The following ABCB5 variants were observed in gnomAD, a reference collection of about 807,000 sequenced individuals.
ABCB5 encodes the protein ATP binding cassette subfamily B member 5.
Under a neutral mutation model 144.2 loss-of-function variants are expected in ABCB5, and 155 were observed. The ratio of observed to expected loss-of-function variants is 1.08; its 90% CI spans 0.94 to 1.23. The LOEUF is 1.23. Ranked by LOEUF, ABCB5 falls within the 50% of genes most tolerant of loss-of-function variation. The pLI, the probability that ABCB5 is intolerant of heterozygous loss-of-function variation, is 0.00. For synonymous variants in ABCB5, 610 were observed against 528.6 expected, an observed-to-expected ratio of 1.15 and a Z score of -2.11; for missense variants, 1,830 against 1,520.8, an observed-to-expected ratio of 1.20 and a Z score of -3.38.
At chr7:20,671,052 T>C (rs1391574061) in intron 14 of ABCB5, among the ~76,000 whole-genome samples, 1 of 152,238 alleles carries the variant, frequency 6.6e-6, no homozygotes, top group Non-Finnish European at 1.5e-5. Context: ...TAGTGCTTAG[T>C]ATAACTCTCT....
At chr7:20,673,598 G>T (rs1785517789) in intron 14 of ABCB5, among the ~76,000 whole-genome samples, 1 of 151,762 alleles carries the variant, frequency 6.6e-6, no homozygotes, top group Non-Finnish European at 1.5e-5. Flanking sequence ...CTTTTACTCT[G>T]TGTTAGCATG....
intron 20 of ABCB5, among the ~76,000 whole-genome samples, chr7:20,716,666 T>C (rs754459761): frequency 1.1e-4 from 17 of 152,074 alleles, no homozygotes; most frequent in Non-Finnish European, 2.2e-4. Context: ...CAAAAGACCA[T>C]AGTAAGGAGA....
chr7:20,667,408 G>T, intron 14 of ABCB5: 1 of 985,572 alleles, frequency 1.0e-6, no homozygotes. Flanking sequence ...TTCTGATTCT[G>T]TGCACAGAAG....
intron 20 of ABCB5, among the ~76,000 whole-genome samples, chr7:20,715,598 C>CA (rs1308183116): frequency 6.6e-6 from 1 of 151,962 alleles, no homozygotes; most frequent in Non-Finnish European, 1.5e-5. Flanking sequence ...TATGTAGAGA[C>CA]AGAGTCTTGC....
chr7:20,722,246 T>C (rs1010700973), intron 20 of ABCB5, among the ~76,000 whole-genome samples: 3 of 152,208 alleles, frequency 2.0e-5, no homozygotes, highest in Admixed American at 6.5e-5. Flanking sequence ...TGAGTTGTTG[T>C]ATTATTGCTG....
chr7:20,631,346 A>G (rs1381136106), intron 4 of ABCB5, among the ~76,000 whole-genome samples: 2 of 152,176 alleles, frequency 1.3e-5, no homozygotes, highest in African/African-American at 2.4e-5. Flanking sequence ...ATAAATAAAG[A>G]TCATAAGCAT....
intron 25 of ABCB5, 81 bp downstream of exon 25, chr7:20,743,155 CTGG>C: frequency 6.8e-7 from 1 of 1,473,538 alleles, no homozygotes. Context: ...AGCATCCCCA[CTGG>C]TTTGGGTGGG....
intron 2 of ABCB5, among the ~76,000 whole-genome samples, chr7:20,625,176 T>C (rs2128017309): frequency 6.6e-6 from 1 of 152,338 alleles, no homozygotes; most frequent in African/African-American, 2.4e-5. Flanking sequence ...ATCTCATGCC[T>C]CAGCCCAGAG....
chr7:20,701,545 G>A (rs767402677), intron 19 of ABCB5, among the ~76,000 whole-genome samples: 7 of 152,074 alleles, frequency 4.6e-5, no homozygotes, highest in Non-Finnish European at 8.8e-5. Context: ...CCATGAGACC[G>A]TTTAATGAGA....
intron 2 of ABCB5, 32 bp from the exon 3 acceptor site, chr7:20,626,525 T>C (rs1365754899): frequency 2.5e-6 from 4 of 1,584,408 alleles, no homozygotes; most frequent in Non-Finnish European, 3.4e-6. Flanking sequence ...ATTCACATTG[T>C]AACTGCTGCA....
chr7:20,689,008 C>G, intron 16 of ABCB5, among the ~76,000 whole-genome samples: 1 of 151,808 alleles, frequency 6.6e-6, no homozygotes. Context: ...AGGAGATATA[C>G]CTAAGGTAAA....
intron 14 of ABCB5, among the ~76,000 whole-genome samples, chr7:20,676,261 G>C (rs141666996): frequency 1.8e-3 from 272 of 150,890 alleles, no homozygotes; most frequent in Non-Finnish European, 3.1e-3. Flanking sequence ...ATATTCAAAA[G>C]AACTGAAGTC....
chr7:20,725,186 A>G (rs1781997429), intron 21 of ABCB5, among the ~76,000 whole-genome samples: 1 of 152,224 alleles, frequency 6.6e-6, no homozygotes. Context: ...TAATAAGTCA[A>G]TTTACTAAAC....
Position 20,651,530 on chromosome 7 carries a change from T to C in ABCB5, c.1443T>C (p.Asn481=), listed in dbSNP as rs1784588228. 1 of 1,613,960 alleles carries C rather than the reference T, an allele frequency of 6.2e-7. No homozygotes were observed. Among genetic ancestry groups the C allele is most frequent in the Non-Finnish European group, 8.5e-7 (1 of 1,180,000 alleles). Residue 481 remains asparagine, a synonymous_variant, in exon 13 of 28, where the codon AAT becomes AAC. Coordinates refer to ENST00000404938, the MANE Select transcript of ABCB5 (RefSeq NM_001163941.2). The part of the protein sequence containing the change: ...PVLFGTTISN[N]IKYGRDDVTD... ...TGTTCGGGACCACCATCAGTAACAA[T>C]ATCAAGTATGGACGAGATGATGTGA... is the stretch of plus-strand genomic sequence containing the variant.
chr7:20,715,824 A>C (rs1781658417), intron 20 of ABCB5, among the ~76,000 whole-genome samples: 1 of 149,328 alleles, frequency 6.7e-6, no homozygotes, highest in Admixed American at 6.7e-5. Flanking sequence ...GGTTCAAGCG[A>C]CTCTCCTGCC....
Position 20,698,495 on chromosome 7 carries a change from T to C in ABCB5, c.2099T>C (p.Val700Ala). ...GTGGTTCTGGGGACATTGGCTTCTG[T>C]TCTAAATGGAACTGTTCATCCAGTA... The part of the protein sequence containing the change: ...PFVVLGTLAS[V>A]LNGTVHPVFS... Residue 700 changes from valine to alanine, a missense_variant, in exon 17 of 28, where the codon GTT becomes GCT. Physicochemically the swap from Val to Ala is moderately conservative, Grantham distance 64. Transcript: ENST00000404938. 1 of 1,605,950 alleles carries C rather than the reference T, an allele frequency of 6.2e-7. No homozygotes were observed. The highest frequency in any genetic ancestry group is 8.5e-7 in the Non-Finnish European group (1 of 1,177,640).
chr7:20,673,734 TG>T (rs1484547510), intron 14 of ABCB5, among the ~76,000 whole-genome samples: 1 of 151,972 alleles, frequency 6.6e-6, no homozygotes, highest in African/African-American at 2.4e-5. Flanking sequence ...GACTTTTAAT[TG>T]GAGTGTTTAG....
chr7:20,653,959 T>C (rs1273279482), intron 13 of ABCB5, among the ~76,000 whole-genome samples: 1 of 152,160 alleles, frequency 6.6e-6, no homozygotes, highest in Non-Finnish European at 1.5e-5. Flanking sequence ...AGCCACACCT[T>C]AGGAGTCAGG....
intron 19 of ABCB5, among the ~76,000 whole-genome samples, chr7:20,703,449 G>A (rs1269331719): frequency 6.6e-6 from 1 of 152,160 alleles, no homozygotes; most frequent in African/African-American, 2.4e-5. Context: ...TCCCAACACA[G>A]TGGCTCAGGG....
Sources: gnomAD v4.1 joint callset for allele counts (sites outside exome capture counted in the v4.1 genomes callset) on GRCh38, gnomAD v4.1.1 for gene constraint, MANE v1.5 for transcripts, NCBI Gene and HGNC (gene_info 2026-07-23, HGNC 2026-07-21) for gene names.